The following SH3BP1 variants were observed in gnomAD, a reference collection of about 807,000 sequenced individuals.
The protein encoded by SH3BP1 is SH3 domain binding protein 1, also known as SH3 domain-binding protein 1.
In SH3BP1, 46 loss-of-function variants were observed where a neutral mutation model predicts 69.8. The ratio of observed to expected loss-of-function variants is 0.66; its 90% CI spans 0.52 to 0.84. SH3BP1 has a LOEUF of 0.84. Among genes scored for constraint, SH3BP1 ranks in the 40% least tolerant of loss-of-function variants. The pLI, the probability that SH3BP1 is intolerant of heterozygous loss-of-function variation, is 0.00. For synonymous variants in SH3BP1, 403 were observed against 378.0 expected (o/e 1.07, Z -0.77); for missense variants, 868 against 930.9 (o/e 0.93, Z 0.88).
rs558743617 is a variant in SH3BP1 at position 37,645,583 on chromosome 22, C to T, written c.924+73C>T. On this transcript the variant is annotated intron_variant, in intron 10 of 17. Coordinates refer to ENST00000649765, the MANE Select transcript of SH3BP1 (RefSeq NM_018957.6). Reference sequence around the variant, plus strand: ...CTGTCCCAAACCGCCCACTTGCTGCCCTTTCCGGGTGCCTGTAATTCCCTC... The same window carrying T: ...CTGTCCCAAACCGCCCACTTGCTGCTCTTTCCGGGTGCCTGTAATTCCCTC... 258 of 1,513,394 alleles carry T rather than the reference C, an allele frequency of 1.7e-4. No individual in the cohort carries two copies. The African/African-American group carries it at 3.2e-3, about 19-fold the overall frequency. 93.7% of individuals were successfully genotyped at this position (1,513,394 alleles called of 1,614,324 possible). A position where few individuals can be genotyped will look rare whatever the true frequency, so the allele number is the denominator to read the frequency against.
rs1247622233 is a variant in SH3BP1 at position 37,655,307 on chromosome 22, C to A, written c.1729C>A (p.Pro577Thr). Residue 577 changes from proline (P) to threonine (T), a missense_variant, in exon 18 of 18, where the codon CCC becomes ACC. Physicochemically the swap from Pro to Thr is conservative, Grantham distance 38. Transcript: ENST00000649765. Reference protein sequence around the residue: ...RPAPARPTMPPPQVSGSRSSP... With the variant: ...RPAPARPTMPTPQVSGSRSSP... ...GGCGCCAGCCCGGCCCACCATGCCG[C>A]CCCCCCAGGTCTCCGGCTCCCGCTC... The A allele has an allele frequency of 1.3e-6, 2 of 1,560,810 alleles. No individual in the cohort carries two copies. Among genetic ancestry groups the A allele is most frequent in the African/African-American group, 1.4e-5 (1 of 72,750 alleles).
intron 6 of SH3BP1, 86 bp from the exon 7 acceptor site, chr22:37,643,558 C>G: frequency 1.3e-6 from 2 of 1,558,630 alleles, no homozygotes; most frequent in Non-Finnish European, 1.8e-6. Context: ...ATCCTAGAAT[C>G]CCATGTGGTC....
In SH3BP1 at chr22:37,643,188, C is replaced by T. The variant is rs1932672795; in HGVS notation, c.473+14C>T. The T allele has an allele frequency of 5.6e-6, 9 of 1,598,240 alleles. No homozygotes were observed. The highest frequency in any genetic ancestry group is 7.7e-6 in the Non-Finnish European group (9 of 1,171,622). Reference sequence around the variant, plus strand: ...ACTCAAGAGCAGGTGGGAGCCCCAGCCGCTCAGGGGGCTCATATCTGGGTC... The same window carrying T: ...ACTCAAGAGCAGGTGGGAGCCCCAGTCGCTCAGGGGGCTCATATCTGGGTC... On this transcript the variant is annotated intron_variant, in intron 6 of 17. Transcript: ENST00000649765.
rs377648897 is a variant in SH3BP1 at position 37,646,836 on chromosome 22, G to T, written c.943G>T (p.Ala315Ser). ...AACCCAGGGTCTCTTCCGTCTGGCT[G>T]CTGGGGCCTCGGTGCTGAAGCGTCT... ...MKEEGLFRLAAGASVLKRLKQ... is the reference protein window; with the variant it reads ...MKEEGLFRLASGASVLKRLKQ... Residue 315 changes from alanine to serine, a missense_variant, in exon 11 of 18, where the codon GCT (alanine) becomes TCT (serine). Transcript: ENST00000649765. The T allele has an allele frequency of 6.5e-7, 1 of 1,542,150 alleles. No individual in the cohort carries two copies.
In SH3BP1 at chr22:37,639,802, G is replaced by A. The variant is rs370014853; in HGVS notation, c.15G>A (p.Gln5=). 62 of 1,566,898 alleles carry A rather than the reference G, an allele frequency of 4.0e-5. No individual in the cohort carries two copies. The African/African-American group carries it at 8.6e-4, about 22-fold the overall frequency. The change falls in exon 1 of 18, where the codon CAG becomes CAA. Residue 5 remains glutamine, a synonymous_variant. Coordinates refer to ENST00000649765, the MANE Select transcript of SH3BP1 (RefSeq NM_018957.6). The part of the protein sequence containing the change: MMKR[Q]LHRMRQLAQT... ...TCGCCCCCAAGATGATGAAGAGGCA[G>A]CTGCACCGCATGCGGCAGCTGGCCC...
Position 37,639,851 on chromosome 22 carries a change from G to A in SH3BP1, c.59+5G>A. The A allele has an allele frequency of 1.3e-6, 2 of 1,566,534 alleles. No individual in the cohort carries two copies. Among genetic ancestry groups the A allele is most frequent in the Non-Finnish European group, 1.7e-6 (2 of 1,158,570 alleles). ...CCAGACGGGCAGCTTGGGACGGTGA[G>A]TGTCACCCGCTTCCAGCCCCACTCT... On this transcript the variant is annotated splice_donor_5th_base_variant and intron_variant, in intron 1 of 17. Coordinates refer to ENST00000649765, the MANE Select transcript of SH3BP1 (RefSeq NM_018957.6).
rs891536692 is a variant in SH3BP1 at position 37,641,294 on chromosome 22, TC to T, written c.103-76del. On this transcript the variant is annotated intron_variant, in intron 2 of 17. Transcript: ENST00000649765. ...ATTCCTCAAGCTGTTGGCCATGGGG[TC>T]CCCAGGGGACAGGAGAAAGTTTCCT... is the stretch of plus-strand genomic sequence containing the variant. The T allele has an allele frequency of 2.0e-6, 3 of 1,517,024 alleles. No individual in the cohort carries two copies. The African/African-American group carries it at 4.2e-5, about 21-fold the overall frequency. 94.0% of individuals were successfully genotyped at this position (1,517,024 alleles called of 1,614,324 possible). A position where few individuals can be genotyped will look rare whatever the true frequency, so the allele number is the denominator to read the frequency against.
intron 6 of SH3BP1, 141 bp from the exon 7 acceptor site, chr22:37,643,503 G>A: frequency 1.6e-6 from 2 of 1,229,648 alleles, no homozygotes; most frequent in Non-Finnish European, 2.3e-6. Context: ...GGCCCAGCCT[G>A]GGCAGAGGCC....
At chr22:37,643,335 C>T (rs959593178) in intron 6 of SH3BP1, 161 bp downstream of exon 6, 65 of 711,864 alleles carry the variant, frequency 9.1e-5, no homozygotes, top group African/African-American at 8.5e-4. Flanking sequence ...AGGTGGTTAG[C>T]GTATCTGTGA....
In SH3BP1 at chr22:37,650,679, G is replaced by C. The variant is rs1171872633; in HGVS notation, c.1552G>C (p.Ala518Pro). 1 of 1,613,680 alleles carries C rather than the reference G, an allele frequency of 6.2e-7. No individual in the cohort carries two copies. Among genetic ancestry groups the C allele is most frequent in the East Asian group, 2.2e-5 (1 of 44,874 alleles). The stretch of plus-strand genomic sequence containing the variant: ...CACCCCGGCTCCGGCTCCGGCTCCA[G>C]CTCCAGCTCCGGCCCCAGCCTTGGC... ...ATTPAPAPAPAPAPAPALASA... is the reference protein window; with the variant it reads ...ATTPAPAPAPPPAPAPALASA... The change falls in exon 16 of 18, where the codon GCT becomes CCT. Residue 518 changes from alanine to proline, a missense_variant. By Grantham distance (27) the Ala-to-Pro change is conservative (BLOSUM62 -1). Around this residue, in one of 3 missense-constraint regions of SH3BP1, gnomAD observed 474 missense variants for 462.3 expected, o/e 1.03. Transcript: ENST00000649765.
At position 37,639,681 on chromosome 22, in the gene SH3BP1, C is replaced by T; in HGVS notation, c.-107C>T. On this transcript the variant is annotated 5_prime_UTR_variant, in exon 1 of 18. Coordinates refer to ENST00000649765, the MANE Select transcript of SH3BP1 (RefSeq NM_018957.6). ...CGGCCCAGGAAGCGAGAGCGCCGCC[C>T]ACCCATCCGGGGCAAGAGCCGCGCC... 1.6e-6 allele frequency: 1 copy of T among 643,516 alleles called. No individual in the cohort carries two copies. Among genetic ancestry groups the T allele is most frequent in the Non-Finnish European group, 2.4e-6 (1 of 413,538 alleles). 39.9% of individuals were successfully genotyped at this position (643,516 alleles called of 1,614,324 possible).
chr22:37,640,826 TCCCAAAG>T, intron 1 of SH3BP1: 1 of 468,588 alleles, frequency 2.1e-6, no homozygotes, highest in South Asian at 2.6e-5. Context: ...GGCTTCTGTG[TCCCAAAG>T]CTGGGCCCCG....
intron 10 of SH3BP1, 77 bp downstream of exon 10, chr22:37,645,587 T>C: frequency 1.3e-6 from 2 of 1,502,182 alleles, no homozygotes; most frequent in Non-Finnish European, 1.8e-6. Flanking sequence ...TGCTGCCCTT[T>C]CCGGGTGCCT....
rs928474457 is a variant in SH3BP1 at position 37,656,055 on chromosome 22, A to G, written c.*371A>G. On this transcript the variant is annotated 3_prime_UTR_variant, in exon 18 of 18. Transcript: ENST00000649765. The stretch of plus-strand genomic sequence containing the variant: ...TGGACAAAACTGGAGCAGCTGCCCA[A>G]ATGATAGTTTTATTTTCTGTCCTTG... 15 of 1,369,980 alleles carry G rather than the reference A, an allele frequency of 1.1e-5. No homozygotes were observed. Among genetic ancestry groups the G allele is most frequent in the African/African-American group, 2.9e-5 (2 of 68,812 alleles). 84.9% of individuals were successfully genotyped at this position (1,369,980 alleles called of 1,614,324 possible).
intron 6 of SH3BP1, 130 bp from the exon 7 acceptor site, chr22:37,643,514 C>G: frequency 7.5e-7 from 1 of 1,340,320 alleles, no homozygotes; most frequent in Non-Finnish European, 1.0e-6. Flanking sequence ...GGCAGAGGCC[C>G]CGGCCAGTGG....
intron 2 of SH3BP1, 52 bp from the exon 3 acceptor site, chr22:37,641,322 C>T (rs1932584487): frequency 6.5e-7 from 1 of 1,538,458 alleles, no homozygotes; most frequent in South Asian, 1.2e-5. Context: ...AAGTTTCCTG[C>T]TCAGGGGGAG....
rs1283217048 is a variant in SH3BP1 at position 37,655,421 on chromosome 22, C to T, written c.1843C>T (p.Arg615Ter). 2.8e-6 allele frequency: 4 copies of T among 1,442,498 alleles called. No individual in the cohort carries two copies. The highest frequency in any genetic ancestry group is 3.7e-6 in the Non-Finnish European group (4 of 1,077,420). The allele number at this position is 1,442,498 out of a possible 1,614,324, so 89.4% of individuals were successfully genotyped here. ...LPRRLVGSSL[R>*]APTVPPPLPP... ...CCGACGTCTGGTTGGCAGCAGCCTCCGAGCCCCCACAGTGCCACCCCCGTT... is the reference window on the plus strand; with the variant it reads ...CCGACGTCTGGTTGGCAGCAGCCTCTGAGCCCCCACAGTGCCACCCCCGTT... The change falls in exon 18 of 18, where the codon CGA becomes TGA. Residue 615 changes from arginine to a stop codon, truncating the protein, a stop_gained. Transcript: ENST00000649765. LOFTEE classifies it low-confidence loss of function (END_TRUNC).
chr22:37,651,104 G>A (rs1343924200), intron 16 of SH3BP1, among the ~76,000 whole-genome samples: 10 of 152,002 alleles, frequency 6.6e-5, no homozygotes, highest in Admixed American at 6.6e-4. Context: ...CACAATCTTG[G>A]CTCACTGCAA....
At chr22:37,646,180 C>G (rs1208216971) in intron 10 of SH3BP1, among the ~76,000 whole-genome samples, 1 of 151,736 alleles carries the variant, frequency 6.6e-6, no homozygotes, top group Non-Finnish European at 1.5e-5. Context: ...CCAGGCTAGT[C>G]CTGAACTCCT....
Sources: gnomAD v4.1 joint callset for allele counts (sites outside exome capture counted in the v4.1 genomes callset) on GRCh38, gnomAD v4.1.1 for gene constraint, gnomAD v4.1.1 regional missense constraint, MANE v1.5 for transcripts, NCBI Gene and HGNC (gene_info 2026-07-23, HGNC 2026-07-21) for gene names.